Variants in ZNF236 observed in about 807,000 individuals in gnomAD.
The protein encoded by ZNF236 is regulated by glucose.
In ZNF236, 50 loss-of-function variants were observed where a neutral mutation model predicts 191.2. The ratio of observed to expected loss-of-function variants is 0.26; its 90% CI spans 0.21 to 0.33. ZNF236 has a LOEUF of 0.33. ZNF236 is among the 10% of genes least tolerant of loss of function. The probability of loss-of-function intolerance (pLI) is 1.00; values close to 1 mark genes in which losing one functional copy is unlikely to be tolerated. For missense variants in ZNF236, 1,754 were observed against 2,374.5 expected (o/e 0.74, Z 5.43); for synonymous variants, 907 against 928.8 (o/e 0.98, Z 0.43).
intron 2 of ZNF236, among the ~76,000 whole-genome samples, chr18:76,850,122 CTT>C (rs1568194489): frequency 6.6e-6 from 1 of 152,100 alleles, no homozygotes; most frequent in Non-Finnish European, 1.5e-5. Flanking sequence ...AATTTGCACT[CTT>C]TTTTGCAGTA....
chr18:76,922,356 C>T (rs1281234636), intron 20 of ZNF236, among the ~76,000 whole-genome samples: 2 of 152,194 alleles, frequency 1.3e-5, no homozygotes, highest in African/African-American at 2.4e-5. Context: ...CTGCAGCCAA[C>T]AGGATGGGGG....
At position 76,824,883 on chromosome 18, in the gene ZNF236, C is replaced by T. The variant is rs73968215; in HGVS notation, c.55+2221C>T. On this transcript the variant is annotated intron_variant, in intron 1 of 30. Transcript: ENST00000320610. The stretch of plus-strand genomic sequence containing the variant: ...CTCCGGGCTGGAGAGCTGCAGGAGC[C>T]CCCTTCCTGGGCCCTGCTAGTCCTG... Among the ~76,000 whole-genome samples, 836 of 152,320 alleles carry T rather than the reference C, an allele frequency of 5.5e-3. 7 individuals are homozygous for T. The highest frequency in any genetic ancestry group is 0.019 in the African/African-American group (773 of 41,562).
intron 18 of ZNF236, among the ~76,000 whole-genome samples, chr18:76,915,086 C>T (rs1232513447): frequency 1.3e-5 from 2 of 152,028 alleles, no homozygotes; most frequent in Admixed American, 1.3e-4. Context: ...TTATAAGGAA[C>T]GGTGGAAGAA....
chr18:76,965,646 G>A (rs752649121), intron 30 of ZNF236, among the ~76,000 whole-genome samples: 1 of 152,214 alleles, frequency 6.6e-6, no homozygotes, highest in Non-Finnish European at 1.5e-5. Flanking sequence ...TATAGTGATT[G>A]TTACCTTTAT....
intron 3 of ZNF236, 123 bp from the exon 4 acceptor site, chr18:76,868,562 A>G (rs772736777): frequency 2.0e-4 from 141 of 716,258 alleles, no homozygotes; most frequent in Admixed American, 1.7e-3. Flanking sequence ...TTAGATCAAA[A>G]TCAAGATTAG....
chr18:76,847,512 C>T (rs757224380), intron 1 of ZNF236, among the ~76,000 whole-genome samples: 12 of 152,100 alleles, frequency 7.9e-5, no homozygotes, highest in Non-Finnish European at 1.3e-4. Context: ...TTCACCCAGG[C>T]TGGAGTGCAG....
chr18:76,892,408 T>C (rs1051459116), intron 9 of ZNF236, among the ~76,000 whole-genome samples: 7 of 151,908 alleles, frequency 4.6e-5, no homozygotes, highest in African/African-American at 1.7e-4. Context: ...TCCCTGACTT[T>C]AATATATTTT....
At chr18:76,956,673 T>C (rs530946847) in intron 28 of ZNF236, among the ~76,000 whole-genome samples, 5 of 152,328 alleles carry the variant, frequency 3.3e-5, no homozygotes, top group African/African-American at 1.2e-4. Flanking sequence ...AGCAGAGCCA[T>C]CATTGCACAG....
At chr18:76,933,458 C>T (rs1396718665) in intron 25 of ZNF236, among the ~76,000 whole-genome samples, 7 of 151,146 alleles carry the variant, frequency 4.6e-5, no homozygotes, top group Admixed American at 2.6e-4. Flanking sequence ...AGCAAAACTC[C>T]GTCTCAAGAA....
At chr18:76,948,433 A>C (rs1018316083) in intron 27 of ZNF236, among the ~76,000 whole-genome samples, 1 of 152,176 alleles carries the variant, frequency 6.6e-6, no homozygotes, top group Non-Finnish European at 1.5e-5. Flanking sequence ...ACTTTAGCAC[A>C]TTTGTGTCTG....
chr18:76,865,247 G>C (rs1363558061), intron 3 of ZNF236, among the ~76,000 whole-genome samples: 1 of 152,278 alleles, frequency 6.6e-6, no homozygotes, highest in East Asian at 1.9e-4. Context: ...TGAGGCAGGA[G>C]AATTGCTTGA....
chr18:76,935,967 A>AC (rs1355750185), intron 25 of ZNF236: 3 of 456,764 alleles, frequency 6.6e-6, no homozygotes, highest in Non-Finnish European at 1.3e-5. Context: ...TAATGGTTCT[A>AC]CTGCTTTTGA....
intron 1 of ZNF236, among the ~76,000 whole-genome samples, chr18:76,843,767 CT>C (rs1419568911): frequency 2.2e-5 from 1 of 46,504 alleles, no homozygotes; most frequent in Non-Finnish European, 3.7e-5. Context: ...CAGAGGGAGA[CT>C]CCGTCTCAAA....
chr18:76,898,519 G>A (rs1039832254), intron 10 of ZNF236, among the ~76,000 whole-genome samples: 1 of 152,236 alleles, frequency 6.6e-6, no homozygotes, highest in Non-Finnish European at 1.5e-5. Flanking sequence ...GGGCACAGTA[G>A]TAAGAGGATC....
chr18:76,959,634 G>A, intron 28 of ZNF236, 53 bp from the exon 29 acceptor site: 5 of 1,550,208 alleles, frequency 3.2e-6, no homozygotes, highest in African/African-American at 1.4e-5. Context: ...CTTGTTTCTA[G>A]TCTCGAAAGC....
chr18:76,905,725 A>T (rs1217111416), intron 13 of ZNF236, among the ~76,000 whole-genome samples: 1 of 152,230 alleles, frequency 6.6e-6, no homozygotes, highest in African/African-American at 2.4e-5. Flanking sequence ...GACTGTGTCT[A>T]GTACAGTCAG....
chr18:76,961,604 G>C (rs913821718), intron 30 of ZNF236, among the ~76,000 whole-genome samples: 16 of 152,234 alleles, frequency 1.1e-4, no homozygotes, highest in African/African-American at 3.9e-4. Flanking sequence ...GGATCAAATG[G>C]TAGTTCTATT....
chr18:76,844,780 G>A (rs1405978356), intron 1 of ZNF236, among the ~76,000 whole-genome samples: 1 of 152,148 alleles, frequency 6.6e-6, no homozygotes, highest in African/African-American at 2.4e-5. Context: ...GGGTCTCTAG[G>A]TGGGGAATAA....
intron 3 of ZNF236, among the ~76,000 whole-genome samples, chr18:76,858,850 C>G (rs1172745601): frequency 5.2e-4 from 1 of 1,930 alleles, no homozygotes. Flanking sequence ...GAGGGCTCAG[C>G]TGGAGGCGGG....
Sources: gnomAD v4.1 joint callset for allele counts (sites outside exome capture counted in the v4.1 genomes callset) on GRCh38, gnomAD v4.1.1 for gene constraint, MANE v1.5 for transcripts, NCBI Gene and HGNC (gene_info 2026-07-23, HGNC 2026-07-21) for gene names.